The following SLC9A9 variants were observed in gnomAD, a reference collection of about 807,000 sequenced individuals.
The protein encoded by SLC9A9 is sodium/hydrogen exchanger 9.
In SLC9A9, 62 loss-of-function variants were observed where a neutral mutation model predicts 77.8. The observed-to-expected ratio is 0.80, with a 90% CI of 0.65 to 0.98. The LOEUF (loss-of-function observed/expected upper bound fraction) is 0.98, where lower values mean the gene tolerates loss of function less well. Among genes scored for constraint, SLC9A9 ranks in the 50% least tolerant of loss-of-function variants. The probability of loss-of-function intolerance (pLI) is 0.00; values close to 1 mark genes in which losing one functional copy is unlikely to be tolerated. For missense variants in SLC9A9, 775 were observed against 774.9 expected, an observed-to-expected ratio of 1.00 and a Z score of 0.00; for synonymous variants, 320 against 283.5, an observed-to-expected ratio of 1.13 and a Z score of -1.29.
At chr3:143,662,910 C>T (rs996515227) in intron 5 of SLC9A9, among the ~76,000 whole-genome samples, 11 of 152,148 alleles carry the variant, frequency 7.2e-5, no homozygotes, top group South Asian at 2.1e-4. Context: ...GAAACTTCTG[C>T]AGACTTAAAC....
intron 6 of SLC9A9, among the ~76,000 whole-genome samples, chr3:143,582,592 G>A (rs1011041448): frequency 2.0e-5 from 3 of 152,114 alleles, no homozygotes; most frequent in African/African-American, 7.2e-5. Flanking sequence ...AGAACAACAG[G>A]GTGTCCAGGA....
At chr3:143,676,513 C>A (rs1272581706) in intron 5 of SLC9A9, among the ~76,000 whole-genome samples, 4 of 151,904 alleles carry the variant, frequency 2.6e-5, no homozygotes, top group African/African-American at 9.7e-5. Flanking sequence ...CTGAGGAGGG[C>A]GGATCATGAG....
At chr3:143,308,736 T>C (rs981789405) in intron 14 of SLC9A9, among the ~76,000 whole-genome samples, 2 of 152,166 alleles carry the variant, frequency 1.3e-5, no homozygotes, top group African/African-American at 4.8e-5. Flanking sequence ...GGGGGTTAAA[T>C]GGCCAAATCA....
chr3:143,530,578 G>C (rs933992201), intron 9 of SLC9A9, among the ~76,000 whole-genome samples: 1 of 151,900 alleles, frequency 6.6e-6, no homozygotes, highest in Non-Finnish European at 1.5e-5. Flanking sequence ...AGTTAGTAAG[G>C]AAAAACCTTG....
At position 143,766,681 on chromosome 3, in the gene SLC9A9, T is replaced by C. The variant is rs1423739752; in HGVS notation, c.533+28320A>G. On this transcript the variant is annotated intron_variant, in intron 4 of 15. Coordinates refer to ENST00000316549, the MANE Select transcript of SLC9A9 (RefSeq NM_173653.4). ...GTCTCCCAGGTTCAAGTGATTCTCC[T>C]GCCTCAGCCTTCTGAATAGTTGGAA... Among the ~76,000 whole-genome samples, 4 of 152,294 alleles carry C rather than the reference T, an allele frequency of 2.6e-5. No homozygotes were observed. The East Asian group carries it at 7.7e-4, about 29-fold the overall frequency.
At chr3:143,596,688 G>A (rs1181047557) in intron 6 of SLC9A9, among the ~76,000 whole-genome samples, 1 of 152,010 alleles carries the variant, frequency 6.6e-6, no homozygotes, top group Admixed American at 6.6e-5. Context: ...TTAAAGACAG[G>A]ATCTTGCTGT....
rs968195376 is a variant in SLC9A9, at chr3:143,468,068, G to A, written c.1316-878C>T. Among the ~76,000 whole-genome samples the A allele has an allele frequency of 5.9e-5, 9 of 152,240 alleles. No homozygotes were observed. In the East Asian group the frequency reaches 7.7e-4, roughly 13 times the overall value. ...TGTTCTACAGTTTGTTTAACCACAC[G>A]TCTGTTGAAGGGTATCTGAGTTGTT... On this transcript the variant is annotated intron_variant, in intron 11 of 15. Transcript: ENST00000316549.
chr3:143,449,975 A>ATG, intron 12 of SLC9A9, among the ~76,000 whole-genome samples: 1 of 81,482 alleles, frequency 1.2e-5, no homozygotes, highest in Non-Finnish European at 2.1e-5. Flanking sequence ...TATATAATAT[A>ATG]TATTATATGT....
At chr3:143,750,783 A>T (rs1356391327) in intron 4 of SLC9A9, among the ~76,000 whole-genome samples, 1 of 149,594 alleles carries the variant, frequency 6.7e-6, no homozygotes, top group South Asian at 2.1e-4. Context: ...TATTTATAAC[A>T]AATATTTGTC....
chr3:143,530,271 G>GT (rs1171547835), intron 9 of SLC9A9, among the ~76,000 whole-genome samples: 2 of 152,182 alleles, frequency 1.3e-5, no homozygotes, highest in African/African-American at 4.8e-5. Context: ...CCCACATATT[G>GT]TGGGGGGGAC....
chr3:143,373,605 T>TAAAAAAAAAAAAAAAAAAAAAAAA (rs67376157), intron 13 of SLC9A9, among the ~76,000 whole-genome samples: 1 of 58,624 alleles, frequency 1.7e-5, no homozygotes. Flanking sequence ...ACTGAAATAG[T>TAAAAAAAAAAAAAAAAAAAAAAAA]AAAAAAAAAA....
chr3:143,667,922 T>C (rs894222727), intron 5 of SLC9A9, among the ~76,000 whole-genome samples: 2 of 152,202 alleles, frequency 1.3e-5, no homozygotes, highest in African/African-American at 4.8e-5. Flanking sequence ...GAAGACAATG[T>C]AGCGATTCCT....
intron 4 of SLC9A9, among the ~76,000 whole-genome samples, chr3:143,791,791 C>T (rs2008233548): frequency 6.6e-6 from 1 of 152,210 alleles, no homozygotes; most frequent in African/African-American, 2.4e-5. Flanking sequence ...CTGCGTATAT[C>T]TGCATAAACT....
intron 14 of SLC9A9, among the ~76,000 whole-genome samples, chr3:143,304,493 G>T (rs1195545428): frequency 6.6e-6 from 1 of 152,212 alleles, no homozygotes; most frequent in Non-Finnish European, 1.5e-5. Context: ...TTTGGAATAA[G>T]AGGGGATGTT....
intron 4 of SLC9A9, among the ~76,000 whole-genome samples, chr3:143,764,422 C>A (rs1450132285): frequency 6.6e-6 from 1 of 152,188 alleles, no homozygotes. Context: ...ACTTATATTC[C>A]CACAAGCAGT....
chr3:143,575,051 C>A (rs1175249061), intron 7 of SLC9A9, among the ~76,000 whole-genome samples: 2 of 152,116 alleles, frequency 1.3e-5, no homozygotes, highest in Non-Finnish European at 1.5e-5. Context: ...GAGCAGGGAG[C>A]AAAAGTGTGA....
At chr3:143,423,248 TACACACACACACACACACAC>T (rs377276883) in intron 12 of SLC9A9, among the ~76,000 whole-genome samples, 2 of 143,738 alleles carry the variant, frequency 1.4e-5, no homozygotes, top group African/African-American at 2.6e-5. Context: ...CACGCGCGTG[TACACACACACACACACACAC>T]ACACACACAC....
intron 4 of SLC9A9, among the ~76,000 whole-genome samples, chr3:143,726,190 C>A: frequency 7.2e-6 from 1 of 138,028 alleles, no homozygotes. Context: ...ACCTATGTAA[C>A]AAACCTGCAC....
intron 13 of SLC9A9, among the ~76,000 whole-genome samples, chr3:143,381,128 A>G (rs1355577987): frequency 6.6e-6 from 1 of 152,198 alleles, no homozygotes; most frequent in East Asian, 1.9e-4. Context: ...CGTTAGGTTC[A>G]AATTCAGTTT....
Sources: gnomAD v4.1 joint callset for allele counts (sites outside exome capture counted in the v4.1 genomes callset) on GRCh38, gnomAD v4.1.1 for gene constraint, MANE v1.5 for transcripts, NCBI Gene and HGNC (gene_info 2026-07-23, HGNC 2026-07-21) for gene names.